The following RALYL variants were observed in gnomAD, a reference collection of about 807,000 sequenced individuals.
RALYL encodes the protein RALY RNA binding protein like, also known as RNA-binding Raly-like protein.
In RALYL, 29 loss-of-function variants were observed where a neutral mutation model predicts 35.1. That is an observed-to-expected ratio of 0.83 (90% CI 0.61 to 1.13). The LOEUF (loss-of-function observed/expected upper bound fraction) is 1.13, where lower values mean the gene tolerates loss of function less well. Among genes scored for constraint, RALYL ranks in the 50% most tolerant of loss-of-function variants. The pLI is 0.00. For synonymous variants in RALYL, 120 were observed against 127.6 expected (o/e 0.94, Z 0.40); for missense variants, 359 against 360.4 (o/e 1.00, Z 0.03).
intron 1 of RALYL, among the ~76,000 whole-genome samples, chr8:84,319,993 C>A (rs961488): frequency 2.6e-5 from 4 of 151,942 alleles, no homozygotes; most frequent in Non-Finnish European, 4.4e-5. Flanking sequence ...TAAATGGTGT[C>A]AGTGTGTATA....
Position 84,481,873 on chromosome 8 carries a change from A to G in RALYL, c.-23-47426A>G, listed in dbSNP as rs1048560332. Reference sequence around the variant, plus strand: ...ATTCTCAGTGGTAGAAATGTTCTATATTGTGATTGGATGCTGTGGTATAGA... The same window carrying G: ...ATTCTCAGTGGTAGAAATGTTCTATGTTGTGATTGGATGCTGTGGTATAGA... On this transcript the variant is annotated intron_variant, in intron 1 of 8. Transcript: ENST00000521268. Among the ~76,000 whole-genome samples the G allele has an allele frequency of 2.0e-5, 3 of 152,132 alleles. No homozygotes were observed. In the South Asian group the frequency reaches 6.2e-4, roughly 31 times the overall value.
intron 1 of RALYL, among the ~76,000 whole-genome samples, chr8:84,336,984 T>C (rs1847919505): frequency 7.0e-6 from 1 of 142,602 alleles, no homozygotes. Context: ...CTAGTGTTTG[T>C]ATTCATATTT....
At chr8:84,345,556 A>G (rs549369233) in intron 1 of RALYL, among the ~76,000 whole-genome samples, 12 of 152,170 alleles carry the variant, frequency 7.9e-5, no homozygotes, top group Non-Finnish European at 4.4e-5. Flanking sequence ...ATTTAATTCA[A>G]TGAAATGATA....
At chr8:84,471,489 G>A (rs1257408650) in intron 1 of RALYL, among the ~76,000 whole-genome samples, 2 of 151,948 alleles carry the variant, frequency 1.3e-5, no homozygotes, top group Admixed American at 1.3e-4. Flanking sequence ...AGCTACTCTG[G>A]GGGCTGAGGT....
intron 8 of RALYL, among the ~76,000 whole-genome samples, chr8:84,919,528 G>T (rs185441086): frequency 5.9e-5 from 9 of 151,978 alleles, no homozygotes; most frequent in Middle Eastern, 3.4e-3. Flanking sequence ...ACACAACCTG[G>T]AACTGCATGA....
chr8:84,844,346 C>T (rs1834118318), intron 4 of RALYL, among the ~76,000 whole-genome samples: 6 of 152,168 alleles, frequency 3.9e-5, no homozygotes, highest in Admixed American at 3.9e-4. Flanking sequence ...GACATTTATG[C>T]ATCCAAAAAA....
chr8:84,489,492 C>T (rs1163084753), intron 1 of RALYL, among the ~76,000 whole-genome samples: 1 of 152,074 alleles, frequency 6.6e-6, no homozygotes, highest in Non-Finnish European at 1.5e-5. Context: ...TGAAAACTTA[C>T]TGTTGCAAAG....
In RALYL at chr8:84,825,435, C is replaced by T. The variant is rs182702769; in HGVS notation, c.365+20633C>T. 1.8e-4 allele frequency among the ~76,000 whole-genome samples: 28 copies of T among 152,156 alleles called. 1 individual carries two copies. The highest frequency in any genetic ancestry group is 4.6e-4 in the Admixed American group (7 of 15,288). On this transcript the variant is annotated intron_variant, in intron 4 of 8. Transcript: ENST00000521268. ...AGTTCAACCACTGTGGAAAGCAGTC[C>T]GGAGATTTTTCAAAGAACTTAAAAT...
At chr8:84,411,081 A>T (rs938885259) in intron 1 of RALYL, among the ~76,000 whole-genome samples, 2 of 151,932 alleles carry the variant, frequency 1.3e-5, no homozygotes, top group African/African-American at 2.4e-5. Context: ...ACACCATATC[A>T]ATGGGAATGT....
At chr8:84,599,666 A>T (rs1312646627) in intron 2 of RALYL, among the ~76,000 whole-genome samples, 1 of 152,068 alleles carries the variant, frequency 6.6e-6, no homozygotes, top group Non-Finnish European at 1.5e-5. Flanking sequence ...AGAAAAAAAT[A>T]TTTAATTCTT....
chr8:84,584,767 C>G (rs1044811248), intron 2 of RALYL, among the ~76,000 whole-genome samples: 1 of 151,972 alleles, frequency 6.6e-6, no homozygotes, highest in African/African-American at 2.4e-5. Flanking sequence ...ACTTTGCTAA[C>G]GCTTGTGTTA....
In RALYL at chr8:84,425,558, C is replaced by G. The variant is rs189335973; in HGVS notation, c.-23-103741C>G. Among the ~76,000 whole-genome samples the G allele has an allele frequency of 4.1e-3, 620 of 152,296 alleles. 6 individuals carry two copies. The highest frequency in any genetic ancestry group is 0.014 in the African/African-American group (585 of 41,576). On this transcript the variant is annotated intron_variant, in intron 1 of 8. Coordinates refer to ENST00000521268, the MANE Select transcript of RALYL (RefSeq NM_173848.7). ...GTAGACTGGAGCTGTTCCTATTCGGCCATCTTGGCTCCTCCTGGTCTTAAC... is the reference window on the plus strand; with the variant it reads ...GTAGACTGGAGCTGTTCCTATTCGGGCATCTTGGCTCCTCCTGGTCTTAAC...
intron 1 of RALYL, among the ~76,000 whole-genome samples, chr8:84,433,527 G>A (rs1428154902): frequency 3.3e-5 from 5 of 151,982 alleles, no homozygotes; most frequent in African/African-American, 9.7e-5. Context: ...GAGACCCAGC[G>A]GGAGGTGATT....
intron 2 of RALYL, among the ~76,000 whole-genome samples, chr8:84,705,601 A>G (rs1351240027): frequency 6.6e-6 from 1 of 152,234 alleles, no homozygotes; most frequent in African/African-American, 2.4e-5. Flanking sequence ...TCAGTATTCT[A>G]TAGTGGTTAA....
At chr8:84,375,083 A>G (rs900816318) in intron 1 of RALYL, among the ~76,000 whole-genome samples, 3 of 151,850 alleles carry the variant, frequency 2.0e-5, no homozygotes, top group African/African-American at 7.2e-5. Context: ...TAGGGGATAC[A>G]TAAGATATTT....
At chr8:84,803,933 C>A (rs928009273) in intron 3 of RALYL, among the ~76,000 whole-genome samples, 1 of 152,160 alleles carries the variant, frequency 6.6e-6, no homozygotes, top group Non-Finnish European at 1.5e-5. Context: ...ACATTTCACC[C>A]TTAATTGTAT....
chr8:84,569,486 G>T (rs974795072), intron 2 of RALYL, among the ~76,000 whole-genome samples: 2 of 151,604 alleles, frequency 1.3e-5, no homozygotes, highest in Non-Finnish European at 2.9e-5. Flanking sequence ...GATATTATTA[G>T]TCCTTTGTTG....
In RALYL at chr8:84,187,624, T is replaced by C. The variant is rs370753954; in HGVS notation, c.-24+3200T>C. Among the ~76,000 whole-genome samples the C allele has an allele frequency of 3.9e-4, 60 of 152,216 alleles. No individual in the cohort carries two copies. In the South Asian group the frequency reaches 0.012, roughly 30 times the overall value. On this transcript the variant is annotated intron_variant, in intron 1 of 8. Transcript: ENST00000521268. ...TCTAATTTATATGAAAGTCTAGTGGTTAAAAGAGCTACTATAATAATACAA... is the reference window on the plus strand; with the variant it reads ...TCTAATTTATATGAAAGTCTAGTGGCTAAAAGAGCTACTATAATAATACAA...
intron 1 of RALYL, among the ~76,000 whole-genome samples, chr8:84,489,733 G>T (rs191307578): frequency 3.9e-5 from 6 of 152,146 alleles, no homozygotes; most frequent in Admixed American, 2.6e-4. Flanking sequence ...TGAAAGATGA[G>T]TAGTAATCAG....
Sources: allele counts gnomAD v4.1 joint callset (sites outside exome capture counted in the v4.1 genomes callset), GRCh38; gene constraint gnomAD v4.1.1; transcripts MANE v1.5; gene names NCBI Gene and HGNC (gene_info 2026-07-23, HGNC 2026-07-21).